ACTR2: variants seen among roughly 807,000 people sequenced by gnomAD.
ACTR2 encodes actin-related protein 2.
In ACTR2, 5 loss-of-function variants were observed where a neutral mutation model predicts 50.2. The ratio of observed to expected loss-of-function variants is 0.10; its 90% CI spans 0.05 to 0.21. The LOEUF is 0.21. Ranked by LOEUF, ACTR2 falls within the 10% of genes least tolerant of loss-of-function variation. The pLI is 1.00. For missense variants in ACTR2, 180 were observed against 480.6 expected, an observed-to-expected ratio of 0.37 and a Z score of 5.85; for synonymous variants, 140 against 162.9, an observed-to-expected ratio of 0.86 and a Z score of 1.07.
rs1672042160 is a variant in ACTR2, at chr2:65,251,159, A to G, written c.448+60A>G. On this transcript the variant is annotated intron_variant, in intron 4 of 8. Coordinates refer to ENST00000260641, the MANE Select transcript of ACTR2 (RefSeq NM_005722.4). ...ATCAAACATTTATTATGTATGTTTT[A>G]TGTCAGAGAATTTGGTTTCTCAATA... The G allele has an allele frequency of 3.2e-6, 4 of 1,247,386 alleles. No individual in the cohort carries two copies. The South Asian group carries it at 4.2e-5, about 13-fold the overall frequency. The allele number at this position is 1,247,386 out of a possible 1,614,324, so 77.3% of individuals were successfully genotyped here.
rs747531382 is a variant in ACTR2 at position 65,265,328 on chromosome 2, A to G, written c.1014+153A>G. The G allele has an allele frequency of 5.8e-6, 5 of 858,354 alleles. No individual in the cohort carries two copies. The Middle Eastern group carries it at 7.3e-4, about 125-fold the overall frequency. 53.2% of individuals were successfully genotyped at this position (858,354 alleles called of 1,614,324 possible). On this transcript the variant is annotated intron_variant, in intron 8 of 8. Transcript: ENST00000260641. ...TCCTGGAAATGATAGCAAGAAGGAA[A>G]TAGTTCAAGATAAGCTCTGGTCACC...
intron 5 of ACTR2, among the ~76,000 whole-genome samples, chr2:65,254,555 T>C (rs189150864): frequency 1.1e-4 from 17 of 152,280 alleles, no homozygotes; most frequent in Admixed American, 2.0e-4. Context: ...CTATAATCAG[T>C]CTATCCTCTC....
chr2:65,253,616 T>C, intron 4 of ACTR2, 112 bp from the exon 5 acceptor site: 2 of 1,011,588 alleles, frequency 2.0e-6, no homozygotes, highest in Non-Finnish European at 2.9e-6. Context: ...TAATAAATTC[T>C]GGCTTCTAGT....
At chr2:65,259,722 C>CTT (rs1672228596) in intron 6 of ACTR2, among the ~76,000 whole-genome samples, 1 of 152,034 alleles carries the variant, frequency 6.6e-6, no homozygotes, top group Admixed American at 6.6e-5. Context: ...GAGCGAGACT[C>CTT]TGTCTCAAAA....
At chr2:65,255,142 C>T (rs1672125559) in intron 5 of ACTR2, among the ~76,000 whole-genome samples, 1 of 152,110 alleles carries the variant, frequency 6.6e-6, no homozygotes. Flanking sequence ...AAAGATAAAA[C>T]TTTTAAAGAC....
At chr2:65,242,087 CTGTT>C (rs1004945978) in intron 2 of ACTR2, 1 of 1,559,418 alleles carries the variant, frequency 6.4e-7, no homozygotes, top group Non-Finnish European at 8.8e-7. Flanking sequence ...CACACATGCT[CTGTT>C]TGTTTTCCAC....
intron 3 of ACTR2, among the ~76,000 whole-genome samples, chr2:65,247,384 C>T (rs544429459): frequency 2.5e-4 from 38 of 152,056 alleles, no homozygotes; most frequent in African/African-American, 7.5e-4. Context: ...GTCAGGAGAT[C>T]GAGACCATCC....
chr2:65,245,851 T>A (rs1671927361), intron 2 of ACTR2, among the ~76,000 whole-genome samples: 1 of 152,212 alleles, frequency 6.6e-6, no homozygotes, highest in Non-Finnish European at 1.5e-5. Context: ...TTGAAAATGT[T>A]GCTCAGGAGA....
chr2:65,234,660 C>A lies in ACTR2; in HGVS notation c.49-5192C>A, dbSNP rs888724911. ...GTGTAGCTCTGAAGGAGAGGGGAGA[C>A]GTGTCAACCTTAGCAGCCTCTTCCC... On this transcript the variant is annotated intron_variant, in intron 1 of 8. Coordinates refer to ENST00000260641, the MANE Select transcript of ACTR2 (RefSeq NM_005722.4). Among the ~76,000 whole-genome samples the A allele has an allele frequency of 2.0e-5, 3 of 152,164 alleles. No individual in the cohort carries two copies. The East Asian group carries it at 5.8e-4, about 29-fold the overall frequency.
chr2:65,244,845 G>A (rs1276018436), intron 2 of ACTR2, among the ~76,000 whole-genome samples: 1 of 151,566 alleles, frequency 6.6e-6, no homozygotes, highest in Non-Finnish European at 1.5e-5. Context: ...GGAGGCTAAG[G>A]TGGGAGGATC....
intron 7 of ACTR2, among the ~76,000 whole-genome samples, chr2:65,261,778 G>A (rs1221779470): frequency 2.6e-5 from 4 of 152,158 alleles, no homozygotes; most frequent in African/African-American, 9.7e-5. Context: ...GGATCATATG[G>A]TAGTTCTATT....
At chr2:65,255,284 C>T (rs1466391644) in intron 5 of ACTR2, among the ~76,000 whole-genome samples, 8 of 152,146 alleles carry the variant, frequency 5.3e-5, no homozygotes, top group Non-Finnish European at 1.2e-4. Context: ...CATTAGTACT[C>T]ATGCAGTGCT....
intron 1 of ACTR2, among the ~76,000 whole-genome samples, chr2:65,239,291 CT>C (rs1479550748): frequency 1.3e-5 from 2 of 152,198 alleles, no homozygotes; most frequent in East Asian, 3.9e-4. Context: ...CCCGTCTCTA[CT>C]AAAAATACAA....
intron 6 of ACTR2, among the ~76,000 whole-genome samples, chr2:65,256,874 T>TAAAAAAAAAAAAAAAAAAAAAATAAA (rs57631144): frequency 7.4e-6 from 1 of 134,276 alleles, no homozygotes; most frequent in Non-Finnish European, 1.6e-5. Context: ...TCCATGTCGG[T>TAAAAAAAAAAAAAAAAAAAAAATAAA]AAAAAAAAAA....
At chr2:65,233,903 A>T (rs1194399723) in intron 1 of ACTR2, among the ~76,000 whole-genome samples, 1 of 147,212 alleles carries the variant, frequency 6.8e-6, no homozygotes, top group Non-Finnish European at 1.5e-5. Flanking sequence ...GAGCCCCCAC[A>T]CTCAGCCTTT....
At chr2:65,243,342 G>GT (rs1415519238) in intron 2 of ACTR2, among the ~76,000 whole-genome samples, 4 of 151,828 alleles carry the variant, frequency 2.6e-5, no homozygotes, top group Non-Finnish European at 5.9e-5. Context: ...TTTAACAGAA[G>GT]TTTTTGACCG....
chr2:65,239,373 G>T (rs1671799481), intron 1 of ACTR2, among the ~76,000 whole-genome samples: 3 of 152,224 alleles, frequency 2.0e-5, no homozygotes, highest in South Asian at 4.1e-4. Context: ...AGAATCACTT[G>T]AACCCAGGAG....
At chr2:65,233,555 A>G (rs1294364663) in intron 1 of ACTR2, among the ~76,000 whole-genome samples, 2 of 151,834 alleles carry the variant, frequency 1.3e-5, no homozygotes, top group Non-Finnish European at 2.9e-5. Context: ...GCAGAGCAGG[A>G]CTACCCCATA....
chr2:65,265,221 T>G, intron 8 of ACTR2, 46 bp downstream of exon 8: 1 of 1,608,082 alleles, frequency 6.2e-7, no homozygotes, highest in Non-Finnish European at 8.5e-7. Context: ...TTTAAAAGGC[T>G]ATACAGTAGT....
Sources: gnomAD v4.1 joint callset for allele counts (sites outside exome capture counted in the v4.1 genomes callset) on GRCh38, gnomAD v4.1.1 for gene constraint, MANE v1.5 for transcripts, NCBI Gene and HGNC (gene_info 2026-07-23, HGNC 2026-07-21) for gene names.